Variants in PLPPR1 observed in about 807,000 individuals in gnomAD.
PLPPR1 encodes phospholipid phosphatase-related protein type 1.
A neutral mutation model predicts 33.1 loss-of-function variants in PLPPR1; 10 were observed. The observed-to-expected ratio is 0.30, with a 90% CI of 0.19 to 0.51. The LOEUF is 0.51. Among genes scored for constraint, PLPPR1 ranks in the 20% least tolerant of loss-of-function variants. The pLI is 0.97. For missense variants in PLPPR1, 304 were observed against 408.1 expected (o/e 0.74, Z 2.20); for synonymous variants, 151 against 151.0 (o/e 1.00, Z 0.00).
chr9:101,202,083 T>A (rs147438343), intron 2 of PLPPR1, among the ~76,000 whole-genome samples: 1 of 152,320 alleles, frequency 6.6e-6, no homozygotes, highest in African/African-American at 2.4e-5. Flanking sequence ...GAGGTTTATG[T>A]GACCACTCTT....
chr9:101,097,870 A>T (rs778323377), intron 1 of PLPPR1, among the ~76,000 whole-genome samples: 12 of 152,194 alleles, frequency 7.9e-5, no homozygotes, highest in Non-Finnish European at 1.5e-5. Context: ...GGCAATAAGC[A>T]TAAAATATAA....
At chr9:101,244,888 C>CA (rs747998880) in intron 2 of PLPPR1, among the ~76,000 whole-genome samples, 12 of 151,568 alleles carry the variant, frequency 7.9e-5, no homozygotes, top group East Asian at 7.8e-4. Context: ...AAATAGAATG[C>CA]AAAAAAACAC....
intron 1 of PLPPR1, among the ~76,000 whole-genome samples, chr9:101,112,041 C>T (rs1411823387): frequency 2.6e-5 from 4 of 152,176 alleles, no homozygotes; most frequent in Non-Finnish European, 5.9e-5. Flanking sequence ...TTTGGAATTT[C>T]CCTGTCCCCA....
chr9:101,247,943 G>A (rs1038294591), intron 2 of PLPPR1, among the ~76,000 whole-genome samples: 2 of 152,008 alleles, frequency 1.3e-5, no homozygotes, highest in African/African-American at 2.4e-5. Context: ...AGGGAATAGA[G>A]TTCTTATTCT....
At chr9:101,079,829 C>T (rs942714828) in intron 1 of PLPPR1, among the ~76,000 whole-genome samples, 1 of 152,204 alleles carries the variant, frequency 6.6e-6, no homozygotes, top group African/African-American at 2.4e-5. Flanking sequence ...CCACCTGCCT[C>T]AGCCTCCCAA....
chr9:101,032,968 C>T (rs1413570887), intron 1 of PLPPR1, among the ~76,000 whole-genome samples: 1 of 152,160 alleles, frequency 6.6e-6, no homozygotes, highest in Non-Finnish European at 1.5e-5. Context: ...TTCCCCCTTT[C>T]TTGTCAGAAT....
intron 1 of PLPPR1, among the ~76,000 whole-genome samples, chr9:101,069,859 A>G (rs1195026995): frequency 6.6e-6 from 1 of 152,078 alleles, no homozygotes; most frequent in African/African-American, 2.4e-5. Context: ...GTGCTCAGCT[A>G]ACCCCTAAGG....
At chr9:101,317,273 G>T in intron 6 of PLPPR1, 92 bp from the exon 7 acceptor site, 1 of 1,344,980 alleles carries the variant, frequency 7.4e-7, no homozygotes, top group Non-Finnish European at 1.0e-6. Flanking sequence ...CTCTGGTGAT[G>T]ATATTCAAGG....
intron 1 of PLPPR1, among the ~76,000 whole-genome samples, chr9:101,121,996 T>C (rs141543565): frequency 6.6e-6 from 1 of 152,314 alleles, no homozygotes; most frequent in Non-Finnish European, 1.5e-5. Flanking sequence ...AACATGGAGG[T>C]AGCATTTTCC....
intron 2 of PLPPR1, among the ~76,000 whole-genome samples, chr9:101,228,647 T>C (rs1380737428): frequency 6.6e-6 from 1 of 152,098 alleles, no homozygotes; most frequent in Non-Finnish European, 1.5e-5. Context: ...TGATAGTAAA[T>C]TCCAGTGGAA....
chr9:101,044,757 T>A (rs1259135758), intron 1 of PLPPR1, among the ~76,000 whole-genome samples: 1 of 152,214 alleles, frequency 6.6e-6, no homozygotes, highest in Non-Finnish European at 1.5e-5. Context: ...TGGCTGAGGA[T>A]ATAAATCACC....
At chr9:101,141,512 A>T (rs996018820) in intron 1 of PLPPR1, among the ~76,000 whole-genome samples, 1 of 152,198 alleles carries the variant, frequency 6.6e-6, no homozygotes, top group Non-Finnish European at 1.5e-5. Flanking sequence ...GATGAAATTG[A>T]ACTGAAGTAA....
chr9:101,217,643 A>G (rs138802154), intron 2 of PLPPR1, among the ~76,000 whole-genome samples: 71 of 152,344 alleles, frequency 4.7e-4, no homozygotes, highest in Middle Eastern at 3.4e-3. Flanking sequence ...TAAATGAATG[A>G]GTGTGGAAGT....
intron 2 of PLPPR1, among the ~76,000 whole-genome samples, chr9:101,196,179 T>C (rs2118737315): frequency 6.6e-6 from 1 of 152,176 alleles, no homozygotes; most frequent in South Asian, 2.1e-4. Context: ...AATTCCAAAA[T>C]TACATGAAGC....
At chr9:101,253,697 CCTT>C (rs1827750449) in intron 2 of PLPPR1, among the ~76,000 whole-genome samples, 1 of 152,064 alleles carries the variant, frequency 6.6e-6, no homozygotes. Context: ...CAACGTAAAA[CCTT>C]CTAAGTCTAT....
intron 2 of PLPPR1, among the ~76,000 whole-genome samples, chr9:101,213,989 G>A (rs979774921): frequency 6.6e-6 from 1 of 152,192 alleles, no homozygotes; most frequent in Admixed American, 6.5e-5. Flanking sequence ...TTACAGAGAA[G>A]TGTTTGGCTA....
intron 1 of PLPPR1, among the ~76,000 whole-genome samples, chr9:101,161,955 T>C (rs1831782149): frequency 6.6e-6 from 1 of 152,052 alleles, no homozygotes; most frequent in African/African-American, 2.4e-5. Context: ...AAGCATTGTA[T>C]AGGATAAGGA....
chr9:101,076,169 C>T (rs894979945), intron 1 of PLPPR1, among the ~76,000 whole-genome samples: 8 of 152,228 alleles, frequency 5.3e-5, no homozygotes, highest in South Asian at 4.2e-4. Flanking sequence ...GAATCAGACA[C>T]TCTGGGGTGG....
chr9:101,218,936 C>T (rs775447275), intron 2 of PLPPR1, among the ~76,000 whole-genome samples: 3 of 152,164 alleles, frequency 2.0e-5, no homozygotes, highest in Non-Finnish European at 2.9e-5. Flanking sequence ...AGGTAATGAG[C>T]GGTGATAATT....
Sources: allele counts gnomAD v4.1 joint callset (sites outside exome capture counted in the v4.1 genomes callset), GRCh38; gene constraint gnomAD v4.1.1; transcripts MANE v1.5; gene names NCBI Gene and HGNC (gene_info 2026-07-23, HGNC 2026-07-21).